Variants in PTGR1 observed in about 807,000 individuals in gnomAD.
PTGR1 encodes the protein prostaglandin reductase 1, also known as 15-oxoprostaglandin 13-reductase.
In PTGR1, 23 loss-of-function variants were observed where a neutral mutation model predicts 37.7. That is an observed-to-expected ratio of 0.61 (90% CI 0.44 to 0.86). The LOEUF is 0.86. PTGR1 is among the 40% of genes least tolerant of loss of function. PTGR1 has a pLI of 0.00. For synonymous variants in PTGR1, 134 were observed against 140.0 expected (o/e 0.96, Z 0.30); for missense variants, 351 against 394.3 (o/e 0.89, Z 0.93).
chr9:111,583,598 A>G lies in PTGR1; in HGVS notation c.378-9T>C, dbSNP rs760610242. ...CAAAGTAGGCAGTCAGGCTAAAGGA[A>G]GAAAATTAAGGATATATGAATAGAG... is the stretch of plus-strand genomic sequence containing the variant. On this transcript the variant is annotated splice_polypyrimidine_tract_variant and intron_variant, in intron 5 of 9. Transcript: ENST00000407693. 3 of 1,562,580 alleles carry G rather than the reference A, an allele frequency of 1.9e-6. No homozygotes were observed. The South Asian group carries it at 3.3e-5, about 17-fold the overall frequency.
At chr9:111,549,845 C>T in intron 9 of PTGR1, 1 of 1,275,592 alleles carries the variant, frequency 7.8e-7, no homozygotes, top group Non-Finnish European at 1.1e-6. Flanking sequence ...ATCTTTAAGG[C>T]AGTTGCTTTA....
At chr9:111,575,709 A>G (rs528636399) in intron 7 of PTGR1, among the ~76,000 whole-genome samples, 25 of 152,312 alleles carry the variant, frequency 1.6e-4, no homozygotes, top group African/African-American at 6.0e-4. Flanking sequence ...AAATAATGCA[A>G]TTGGGCCTCT....
At chr9:111,593,985 T>C (rs1411305619) in intron 3 of PTGR1, among the ~76,000 whole-genome samples, 1 of 150,518 alleles carries the variant, frequency 6.6e-6, no homozygotes, top group African/African-American at 2.4e-5. Context: ...GAAAGGCAAA[T>C]TGTGCAGAGC....
At chr9:111,588,196 ATTTTTT>A (rs71302619) in intron 4 of PTGR1, among the ~76,000 whole-genome samples, 1 of 126,846 alleles carries the variant, frequency 7.9e-6, no homozygotes, top group African/African-American at 3.0e-5. Flanking sequence ...CATCCAGCTA[ATTTTTT>A]TTTTTTTTTT....
Position 111,563,139 on chromosome 9 carries a change from C to G in PTGR1, c.972G>C (p.Lys324Asn). 2 of 1,613,934 alleles carry G rather than the reference C, an allele frequency of 1.2e-6. No homozygotes were observed. Among genetic ancestry groups the G allele is most frequent in the Non-Finnish European group, 1.7e-6 (2 of 1,179,962 alleles). Reference protein sequence around the residue: ...MGMLKGDNLGKTIVKA With the variant: ...MGMLKGDNLGNTIVKA The stretch of plus-strand genomic sequence containing the variant: ...CTCTTTTTCATGCTTTCACTATTGT[C>G]TTCCCCAAATTATCTCCTTTCAGCA... Residue 324 changes from lysine to asparagine, a missense_variant, in exon 10 of 10, where the codon AAG (lysine) becomes AAC (asparagine). Coordinates refer to ENST00000407693, the MANE Select transcript of PTGR1 (RefSeq NM_001146108.2).
At position 111,563,209 on chromosome 9, in the gene PTGR1, T is replaced by C; in HGVS notation, c.902A>G (p.Tyr301Cys). Residue 301 changes from tyrosine to cysteine, a missense_variant, in exon 10 of 10, where the codon TAT (tyrosine) becomes TGT (cysteine). By Grantham distance (194) the Tyr-to-Cys change is radical. Coordinates refer to ENST00000407693, the MANE Select transcript of PTGR1 (RefSeq NM_001146108.2). ...CATGTTTTCAAATCCTTCAATGATA[T>C]ATTCCTTGTACTGGATTTTACCCTG... ...VLEGKIQYKE[Y>C]IIEGFENMPA... 6.2e-7 allele frequency: 1 copy of C among 1,613,748 alleles called. No individual in the cohort carries two copies. Among genetic ancestry groups the C allele is most frequent in the South Asian group, 1.1e-5 (1 of 91,046 alleles).
At chr9:111,586,803 CTATATA>C (rs1170334255) in intron 4 of PTGR1, among the ~76,000 whole-genome samples, 15 of 143,750 alleles carry the variant, frequency 1.0e-4, no homozygotes, top group Admixed American at 3.5e-4. Context: ...CTCTCTCTCT[CTATATA>C]TATATATATA....
chr9:111,589,536 C>A (rs1449869164), intron 4 of PTGR1, among the ~76,000 whole-genome samples: 2 of 151,950 alleles, frequency 1.3e-5, no homozygotes, highest in African/African-American at 2.4e-5. Context: ...GGATTACAGG[C>A]GTGAGCCACT....
At chr9:111,585,822 C>T (rs1829411420) in intron 5 of PTGR1, among the ~76,000 whole-genome samples, 176 bp downstream of exon 5, 1 of 152,226 alleles carries the variant, frequency 6.6e-6, no homozygotes, top group Non-Finnish European at 1.5e-5. Flanking sequence ...TTTATCCATT[C>T]ACCCATTGAT....
At chr9:111,587,863 A>C (rs1051559844) in intron 4 of PTGR1, among the ~76,000 whole-genome samples, 4 of 152,162 alleles carry the variant, frequency 2.6e-5, no homozygotes, top group African/African-American at 9.7e-5. Flanking sequence ...GTTAGTAAGA[A>C]TCCTTCAAAC....
chr9:111,551,654 G>A (rs1011083393), intron 9 of PTGR1, among the ~76,000 whole-genome samples: 8 of 151,806 alleles, frequency 5.3e-5, no homozygotes, highest in African/African-American at 1.9e-4. Flanking sequence ...TGCCTGTCTC[G>A]GCCTCCCAAA....
chr9:111,560,623 A>G (rs996137858), downstream of PTGR1, among the ~76,000 whole-genome samples: 24 of 128,582 alleles, frequency 1.9e-4, no homozygotes, highest in African/African-American at 6.6e-4. Context: ...CCTGGGAGAC[A>G]GAGACACCAT....
At chr9:111,567,735 G>C (rs1335365381) in intron 9 of PTGR1, among the ~76,000 whole-genome samples, 1 of 152,120 alleles carries the variant, frequency 6.6e-6, no homozygotes, top group African/African-American at 2.4e-5. Context: ...TTAACAGATC[G>C]CTATGGCCAC....
chr9:111,579,595 A>G (rs887146812), intron 6 of PTGR1, among the ~76,000 whole-genome samples: 1 of 152,042 alleles, frequency 6.6e-6, no homozygotes, highest in Non-Finnish European at 1.5e-5. Flanking sequence ...ACAGGGTCTC[A>G]CTATATTGCC....
intron 6 of PTGR1, among the ~76,000 whole-genome samples, chr9:111,582,144 T>C (rs1004529496): frequency 6.6e-6 from 1 of 152,084 alleles, no homozygotes; most frequent in African/African-American, 2.4e-5. Flanking sequence ...TAAGATAATA[T>C]AAATATGACC....
At chr9:111,599,197 T>C (rs943086722) in intron 1 of PTGR1, 3 of 152,290 alleles carry the variant, frequency 2.0e-5, no homozygotes, top group African/African-American at 7.2e-5. Flanking sequence ...GCTCGCCCTT[T>C]GCTCCCACCC....
chr9:111,567,516 C>T (rs183425192), intron 9 of PTGR1, among the ~76,000 whole-genome samples: 10 of 152,176 alleles, frequency 6.6e-5, no homozygotes, highest in Non-Finnish European at 8.8e-5. Context: ...GCTTGCAGGA[C>T]GTGAGAGAAT....
intron 9 of PTGR1, among the ~76,000 whole-genome samples, chr9:111,551,742 TTTATTAG>T (rs1564603210): frequency 6.6e-6 from 1 of 152,212 alleles, no homozygotes; most frequent in African/African-American, 2.4e-5. Flanking sequence ...TAACAAAACT[TTTATTAG>T]AAAAATTCAT....
intron 8 of PTGR1, among the ~76,000 whole-genome samples, chr9:111,573,288 A>C (rs1373265688): frequency 6.6e-6 from 1 of 152,170 alleles, no homozygotes; most frequent in Non-Finnish European, 1.5e-5. Context: ...AGGGGGAAAA[A>C]AAAGTCCCTA....
Sources: gnomAD v4.1 joint callset for allele counts (sites outside exome capture counted in the v4.1 genomes callset) on GRCh38, gnomAD v4.1.1 for gene constraint, MANE v1.5 for transcripts, NCBI Gene and HGNC (gene_info 2026-07-23, HGNC 2026-07-21) for gene names.